The following FRMD4B variants were observed in gnomAD, a reference collection of about 807,000 sequenced individuals.
The protein encoded by FRMD4B is FERM domain containing 4B.
A neutral mutation model predicts 141.5 loss-of-function variants in FRMD4B; 74 were observed. The observed-to-expected ratio is 0.52, with a 90% CI of 0.43 to 0.63. The LOEUF (loss-of-function observed/expected upper bound fraction) is 0.63, where lower values mean the gene tolerates loss of function less well. FRMD4B is among the 30% of genes least tolerant of loss of function. The pLI is 0.00. For missense variants in FRMD4B, 1,366 were observed against 1,253.4 expected (o/e 1.09, Z -1.36); for synonymous variants, 506 against 467.9 (o/e 1.08, Z -1.05).
At position 69,262,791 on chromosome 3, in the gene FRMD4B, A is replaced by G. The variant is rs150114101; in HGVS notation, c.502-12692T>C. Among the ~76,000 whole-genome samples the G allele has an allele frequency of 2.5e-3, 376 of 152,204 alleles. 1 individual carries two copies. Among genetic ancestry groups the G allele is most frequent in the African/African-American group, 8.7e-3 (362 of 41,548 alleles). On this transcript the variant is annotated intron_variant, in intron 5 of 22. Coordinates refer to ENST00000398540, the MANE Select transcript of FRMD4B (RefSeq NM_015123.3). The stretch of plus-strand genomic sequence containing the variant: ...TAAGTAAATGAAGTATATTCATACT[A>G]TATACTACTATTCAGCAGTGAAAAT...
At chr3:69,218,905 G>A (rs905822082) in intron 9 of FRMD4B, among the ~76,000 whole-genome samples, 1 of 152,186 alleles carries the variant, frequency 6.6e-6, no homozygotes, top group African/African-American at 2.4e-5. Context: ...GCTCACGCCT[G>A]TAATCCCAGC....
chr3:69,536,140 A>T, intron 1 of FRMD4B: 1 of 502,520 alleles, frequency 2.0e-6, no homozygotes, highest in South Asian at 2.0e-5. Context: ...CTGGCTTGGG[A>T]GGAGCCTTCT....
At chr3:69,465,148 G>A (rs752126129) in intron 1 of FRMD4B, among the ~76,000 whole-genome samples, 28 of 151,980 alleles carry the variant, frequency 1.8e-4, no homozygotes, top group Admixed American at 1.2e-3. Flanking sequence ...GTGAAACCCC[G>A]TCTCTACTAA....
At chr3:69,284,532 A>G (rs1482149311) in intron 5 of FRMD4B, among the ~76,000 whole-genome samples, 1 of 152,124 alleles carries the variant, frequency 6.6e-6, no homozygotes, top group Non-Finnish European at 1.5e-5. Context: ...TAAAAGCAAG[A>G]CCTGAAAAAA....
chr3:69,173,401 A>G lies in FRMD4B; in HGVS notation c.2985-1420T>C, dbSNP rs557335374. ...CTAGGGCAAAGGATCTTTAAATAAT[A>G]TACACTTTATTTAAAAAAACAACAA... On this transcript the variant is annotated intron_variant, in intron 22 of 22. Coordinates refer to ENST00000398540, the MANE Select transcript of FRMD4B (RefSeq NM_015123.3). 1.1e-4 allele frequency among the ~76,000 whole-genome samples: 17 copies of G among 152,326 alleles called. No individual in the cohort carries two copies. The South Asian group carries it at 2.9e-3, about 26-fold the overall frequency.
At chr3:69,361,417 T>C (rs905367692) in intron 1 of FRMD4B, among the ~76,000 whole-genome samples, 6 of 152,166 alleles carry the variant, frequency 3.9e-5, no homozygotes, top group Admixed American at 3.9e-4. Flanking sequence ...TGATGCATAA[T>C]AAAAATACAT....
At chr3:69,420,449 G>C (rs1259937640) in intron 2 of FRMD4B, among the ~76,000 whole-genome samples, 3 of 152,090 alleles carry the variant, frequency 2.0e-5, no homozygotes, top group Non-Finnish European at 4.4e-5. Context: ...AAAAAATTCA[G>C]GCTCAGGAGG....
At chr3:69,185,737 G>A (rs974301285) in intron 19 of FRMD4B, among the ~76,000 whole-genome samples, 3 of 152,076 alleles carry the variant, frequency 2.0e-5, no homozygotes, top group Admixed American at 6.6e-5. Flanking sequence ...ACAGTATCTG[G>A]GACACAGTAA....
chr3:69,181,196 C>T lies in FRMD4B; in HGVS notation c.2554G>A (p.Asp852Asn), dbSNP rs755167962. The T allele has an allele frequency of 2.5e-6, 4 of 1,613,978 alleles. No homozygotes were observed. The highest frequency in any genetic ancestry group is 3.4e-6 in the Non-Finnish European group (4 of 1,179,886). The change falls in exon 21 of 23, where the codon GAC becomes AAC. Residue 852 changes from aspartate to asparagine, a missense_variant. Coordinates refer to ENST00000398540, the MANE Select transcript of FRMD4B (RefSeq NM_015123.3). ...TCTTCGTGAAAGGATCTGCTGTAGTCCCTCTGGCGCTCATATCCATAGTGG... is the reference window on the plus strand; with the variant it reads ...TCTTCGTGAAAGGATCTGCTGTAGTTCCTCTGGCGCTCATATCCATAGTGG... ...SAHYGYERQRDYSRSFHEDEV... is the reference protein window; with the variant it reads ...SAHYGYERQRNYSRSFHEDEV...
chr3:69,195,712 TAA>T, intron 14 of FRMD4B, among the ~76,000 whole-genome samples: 1 of 151,974 alleles, frequency 6.6e-6, no homozygotes, highest in African/African-American at 2.4e-5. Context: ...TTTTAAAAAG[TAA>T]GCAAGCAAGC....
intron 2 of FRMD4B, among the ~76,000 whole-genome samples, chr3:69,415,893 ATTAAGGAC>A (rs1161414021): frequency 6.6e-6 from 1 of 152,230 alleles, no homozygotes; most frequent in African/African-American, 2.4e-5. Flanking sequence ...CGGTTAACAC[ATTAAGGAC>A]CAGATAAAAG....
At chr3:69,274,816 G>A (rs2093610705) in intron 5 of FRMD4B, among the ~76,000 whole-genome samples, 1 of 152,182 alleles carries the variant, frequency 6.6e-6, no homozygotes, top group African/African-American at 2.4e-5. Context: ...ACTGCACCCA[G>A]CCTATTTGTT....
At chr3:69,211,023 G>GAAAAAAAAAAAAAAAAAAAA (rs541259572) in intron 11 of FRMD4B, among the ~76,000 whole-genome samples, 1 of 85,838 alleles carries the variant, frequency 1.2e-5, no homozygotes, top group African/African-American at 4.6e-5. Context: ...ATGCCATCTC[G>GAAAAAAAAAAAAAAAAAAAA]AAAAAAAAAA....
chr3:69,509,130 G>C (rs1351631599), intron 1 of FRMD4B, among the ~76,000 whole-genome samples: 1 of 152,144 alleles, frequency 6.6e-6, no homozygotes, highest in Non-Finnish European at 1.5e-5. Flanking sequence ...TTCTACATTT[G>C]AGCAGCCCTG....
intron 11 of FRMD4B, among the ~76,000 whole-genome samples, chr3:69,212,381 G>GAAAAAAAAAAA (rs61444871): frequency 5.2e-5 from 5 of 95,594 alleles, no homozygotes; most frequent in Admixed American, 3.0e-4. Flanking sequence ...AAAAAAAAAA[G>GAAAAAAAAAAA]AAAAAAAAAA....
intron 1 of FRMD4B, among the ~76,000 whole-genome samples, chr3:69,335,494 C>T (rs1702515044): frequency 6.6e-6 from 1 of 151,628 alleles, no homozygotes; most frequent in East Asian, 1.9e-4. Context: ...GCTTCAGCCT[C>T]CCGAGTAGCT....
At chr3:69,273,365 T>C (rs2093604041) in intron 5 of FRMD4B, among the ~76,000 whole-genome samples, 1 of 152,182 alleles carries the variant, frequency 6.6e-6, no homozygotes, top group African/African-American at 2.4e-5. Context: ...CAAAAGACAC[T>C]TAGAGCAAGG....
intron 1 of FRMD4B, among the ~76,000 whole-genome samples, chr3:69,501,001 T>G (rs1388212839): frequency 6.6e-6 from 1 of 152,214 alleles, no homozygotes; most frequent in African/African-American, 2.4e-5. Flanking sequence ...TTTAAAATAT[T>G]ATCCTGGAAG....
intron 5 of FRMD4B, among the ~76,000 whole-genome samples, chr3:69,271,272 T>C (rs1311814554): frequency 1.3e-5 from 2 of 152,248 alleles, no homozygotes; most frequent in African/African-American, 4.8e-5. Flanking sequence ...GGGCTGGCGA[T>C]ATACCAGTGA....
Sources: gnomAD v4.1 joint callset for allele counts (sites outside exome capture counted in the v4.1 genomes callset) on GRCh38, gnomAD v4.1.1 for gene constraint, MANE v1.5 for transcripts, NCBI Gene and HGNC (gene_info 2026-07-23, HGNC 2026-07-21) for gene names.